ZBTB20: variants seen among roughly 807,000 people sequenced by gnomAD.
The protein encoded by ZBTB20 is zinc finger and BTB domain containing 20.
In ZBTB20, 9 loss-of-function variants were observed where a neutral mutation model predicts 56.9. The observed-to-expected ratio is 0.16, with a 90% CI of 0.10 to 0.28. The LOEUF is 0.28. Ranked by LOEUF, ZBTB20 falls within the 10% of genes least tolerant of loss-of-function variation. The pLI is 1.00. For missense variants in ZBTB20, 655 were observed against 1,003.0 expected (o/e 0.65, Z 4.69); for synonymous variants, 417 against 420.7 (o/e 0.99, Z 0.11).
intron 1 of ZBTB20, among the ~76,000 whole-genome samples, chr3:115,096,819 T>C (rs1329755229): frequency 6.6e-6 from 1 of 152,020 alleles, no homozygotes; most frequent in African/African-American, 2.4e-5. Flanking sequence ...AATTAGATAT[T>C]TATGTAGTGC....
intron 6 of ZBTB20, among the ~76,000 whole-genome samples, chr3:114,561,693 G>T (rs2684297): frequency 6.6e-6 from 1 of 151,780 alleles, no homozygotes; most frequent in African/African-American, 2.4e-5. Context: ...ATAGAGCTCA[G>T]GCAGGGTAGA....
chr3:114,337,928 C>T lies in ZBTB20; in HGVS notation c.*1077G>A, dbSNP rs2079516384. On this transcript the variant is annotated 3_prime_UTR_variant, in exon 12 of 12. Coordinates refer to ENST00000675478, the MANE Select transcript of ZBTB20 (RefSeq NM_001348800.3). ...CACTTTTTTTGTTTTTTTTTTTACACAAATACTGTTGTAAATATATTAAAA... is the reference window on the plus strand; with the variant it reads ...CACTTTTTTTGTTTTTTTTTTTACATAAATACTGTTGTAAATATATTAAAA... The T allele has an allele frequency of 1.3e-5, 2 of 149,998 alleles. No individual in the cohort carries two copies. The highest frequency in any genetic ancestry group is 3.9e-4 in the East Asian group (2 of 5,134). 9.3% of individuals were successfully genotyped at this position (149,998 alleles called of 1,614,324 possible). A position where few individuals can be genotyped will look rare whatever the true frequency, so the allele number is the denominator to read the frequency against.
intron 7 of ZBTB20, among the ~76,000 whole-genome samples, chr3:114,485,819 C>T (rs1437549458): frequency 7.2e-5 from 11 of 152,208 alleles, no homozygotes; most frequent in South Asian, 4.1e-4. Context: ...GAGGACTTCA[C>T]CAGATACCAA....
At chr3:115,109,916 T>C (rs763187361) in intron 1 of ZBTB20, among the ~76,000 whole-genome samples, 3 of 151,822 alleles carry the variant, frequency 2.0e-5, no homozygotes, top group Non-Finnish European at 4.4e-5. Context: ...GATTAAAGAG[T>C]TGGAAACATT....
chr3:114,381,019 G>C (rs1012397014), intron 8 of ZBTB20, 79 bp from the exon 9 acceptor site: 5 of 330,774 alleles, frequency 1.5e-5, no homozygotes, highest in Admixed American at 4.7e-5. Context: ...ACTACATTAA[G>C]GAACATTCAA....
chr3:114,896,863 T>C (rs2074904113), intron 4 of ZBTB20, among the ~76,000 whole-genome samples: 1 of 152,118 alleles, frequency 6.6e-6, no homozygotes, highest in Admixed American at 6.6e-5. Context: ...TCATGATTTT[T>C]ATAATATCTT....
intron 6 of ZBTB20, among the ~76,000 whole-genome samples, chr3:114,546,558 CT>C (rs10719460): frequency 0.56 from 79,526 of 141,064 alleles, 24,115 homozygotes; most frequent in East Asian, 0.83. Context: ...CAACATACAC[CT>C]TTTTTTTTTT....
intron 4 of ZBTB20, among the ~76,000 whole-genome samples, chr3:114,881,585 T>C (rs1171789128): frequency 1.3e-5 from 2 of 151,932 alleles, no homozygotes; most frequent in Admixed American, 6.5e-5. Context: ...TATAATTATA[T>C]ATTTTTATAA....
At chr3:114,992,964 T>C (rs1188814255) in intron 2 of ZBTB20, among the ~76,000 whole-genome samples, 2 of 151,926 alleles carry the variant, frequency 1.3e-5, no homozygotes. Flanking sequence ...AAGGAAATAC[T>C]AAATTACTTT....
chr3:114,812,680 C>A (rs2072626618), intron 4 of ZBTB20, among the ~76,000 whole-genome samples: 3 of 152,232 alleles, frequency 2.0e-5, no homozygotes, highest in Non-Finnish European at 4.4e-5. Flanking sequence ...GCCTGCCAGT[C>A]CGTCGCCGTG....
intron 6 of ZBTB20, chr3:114,528,813 T>C (rs1458417512): frequency 6.6e-6 from 1 of 152,162 alleles, no homozygotes; most frequent in Non-Finnish European, 1.5e-5. Context: ...AATTGCTACG[T>C]ATTGCAGATT....
chr3:114,890,592 G>T (rs2076770955), intron 4 of ZBTB20, among the ~76,000 whole-genome samples: 2 of 152,100 alleles, frequency 1.3e-5, no homozygotes, highest in African/African-American at 4.8e-5. Context: ...CACACACCGG[G>T]CCTGTCCTGG....
At chr3:114,506,798 G>A (rs1196918076) in intron 6 of ZBTB20, among the ~76,000 whole-genome samples, 2 of 152,022 alleles carry the variant, frequency 1.3e-5, no homozygotes, top group Admixed American at 1.3e-4. Context: ...ATCTGGCCCC[G>A]GCCCACCTCT....
At chr3:114,770,860 CT>C (rs1385824321) in intron 5 of ZBTB20, among the ~76,000 whole-genome samples, 2 of 152,190 alleles carry the variant, frequency 1.3e-5, no homozygotes, top group African/African-American at 4.8e-5. Flanking sequence ...TTGAGTACCC[CT>C]AATCCAAGAG....
intron 2 of ZBTB20, among the ~76,000 whole-genome samples, chr3:115,029,725 T>C (rs556021189): frequency 3.2e-4 from 49 of 150,908 alleles, no homozygotes; most frequent in Non-Finnish European, 6.1e-4. Context: ...TCTCACACTG[T>C]ATATCAAAAT....
intron 7 of ZBTB20, among the ~76,000 whole-genome samples, chr3:114,490,475 C>G (rs548482486): frequency 1.3e-5 from 2 of 152,250 alleles, no homozygotes; most frequent in East Asian, 3.9e-4. Context: ...CCTGCCTCGG[C>G]CTCCCAAAGT....
At chr3:114,416,342 A>C (rs1025842009) in intron 7 of ZBTB20, among the ~76,000 whole-genome samples, 5 of 142,014 alleles carry the variant, frequency 3.5e-5, no homozygotes, top group African/African-American at 1.0e-4. Context: ...AAAAAAAAAA[A>C]ACAACTAACT....
At chr3:114,361,489 C>A (rs2081877595) in intron 10 of ZBTB20, among the ~76,000 whole-genome samples, 1 of 152,182 alleles carries the variant, frequency 6.6e-6, no homozygotes, top group African/African-American at 2.4e-5. Flanking sequence ...AGGTATCTCC[C>A]CTTTCCTCCA....
intron 5 of ZBTB20, chr3:114,791,552 C>T (rs889319751): frequency 9.9e-5 from 15 of 152,186 alleles, no homozygotes; most frequent in African/African-American, 3.6e-4. Context: ...CAACCCTAAC[C>T]TAGAGAAGGG....
Sources: gnomAD v4.1 joint callset for allele counts (sites outside exome capture counted in the v4.1 genomes callset) on GRCh38, gnomAD v4.1.1 for gene constraint, MANE v1.5 for transcripts, NCBI Gene and HGNC (gene_info 2026-07-23, HGNC 2026-07-21) for gene names.